The following TBC1D5 variants were observed in gnomAD, a reference collection of about 807,000 sequenced individuals.
TBC1D5 encodes TBC1 domain family member 5, also known as TBC1 domain family, member 5.
Under a neutral mutation model 100.3 loss-of-function variants are expected in TBC1D5, and 75 were observed. The ratio of observed to expected loss-of-function variants is 0.75; its 90% CI spans 0.62 to 0.91. The LOEUF is 0.91. Among genes scored for constraint, TBC1D5 ranks in the 40% least tolerant of loss-of-function variants. TBC1D5 has a pLI of 0.00. For missense variants in TBC1D5, 910 were observed against 942.4 expected, an observed-to-expected ratio of 0.97 and a Z score of 0.45; for synonymous variants, 323 against 325.6, an observed-to-expected ratio of 0.99 and a Z score of 0.09.
chr3:17,538,061 G>A (rs1334260563), intron 2 of TBC1D5, among the ~76,000 whole-genome samples: 1 of 152,108 alleles, frequency 6.6e-6, no homozygotes, highest in Non-Finnish European at 1.5e-5. Context: ...ACTCAAAGTG[G>A]AGGCTTCCAG....
At chr3:17,614,003 G>A (rs2061906144) in intron 2 of TBC1D5, among the ~76,000 whole-genome samples, 1 of 152,278 alleles carries the variant, frequency 6.6e-6, no homozygotes, top group Non-Finnish European at 1.5e-5. Context: ...TTTTTCTAGA[G>A]TTTTTATGGT....
At chr3:17,331,350 A>G (rs1269268384) in intron 13 of TBC1D5, among the ~76,000 whole-genome samples, 1 of 152,142 alleles carries the variant, frequency 6.6e-6, no homozygotes, top group East Asian at 1.9e-4. Flanking sequence ...CTTACATTCA[A>G]TAACATTTGT....
At chr3:17,281,931 A>G (rs960039587) in intron 15 of TBC1D5, among the ~76,000 whole-genome samples, 3 of 152,156 alleles carry the variant, frequency 2.0e-5, no homozygotes, top group African/African-American at 7.2e-5. Flanking sequence ...TCTTTTTTTC[A>G]TAACTTATGA....
At chr3:17,622,002 G>C (rs187132784) in intron 2 of TBC1D5, among the ~76,000 whole-genome samples, 1 of 152,242 alleles carries the variant, frequency 6.6e-6, no homozygotes, top group Admixed American at 6.5e-5. Context: ...AAATCTGATT[G>C]GGATAAGTTC....
chr3:17,200,130 A>G (rs965643774), intron 18 of TBC1D5, among the ~76,000 whole-genome samples: 7 of 152,324 alleles, frequency 4.6e-5, no homozygotes, highest in South Asian at 4.1e-4. Flanking sequence ...AGGATTTAAC[A>G]TAAGGCCAAT....
chr3:17,539,515 C>T lies in TBC1D5; in HGVS notation c.-35-30910G>A, dbSNP rs375018650. On this transcript the variant is annotated intron_variant, in intron 2 of 21. Coordinates refer to ENST00000253692, the Ensembl canonical transcript of TBC1D5. ...ATACTACAATTTCTTCCAGGGCCTG[C>T]TATCTGTCATGTGATGCTTTCTTTA... 3.3e-5 allele frequency among the ~76,000 whole-genome samples: 5 copies of T among 151,614 alleles called. No homozygotes were observed. The East Asian group carries it at 9.6e-4, about 29-fold the overall frequency.
At chr3:17,218,445 T>A (rs911085862) in intron 17 of TBC1D5, among the ~76,000 whole-genome samples, 13 of 152,026 alleles carry the variant, frequency 8.6e-5, no homozygotes, top group Non-Finnish European at 1.5e-5. Context: ...ACAAGATTTA[T>A]GAAAAATAAA....
At chr3:17,203,562 G>A (rs1225952691) in intron 18 of TBC1D5, among the ~76,000 whole-genome samples, 1 of 152,174 alleles carries the variant, frequency 6.6e-6, no homozygotes, top group African/African-American at 2.4e-5. Context: ...ATCTCATCTT[G>A]AATTGTAATC....
intron 19 of TBC1D5, among the ~76,000 whole-genome samples, chr3:17,169,846 CG>C (rs2066993527): frequency 6.6e-6 from 1 of 152,176 alleles, no homozygotes; most frequent in Admixed American, 6.5e-5. Context: ...TTTCCACAAA[CG>C]GTGGGGGAAA....
intron 17 of TBC1D5, among the ~76,000 whole-genome samples, chr3:17,216,433 C>A (rs566135890): frequency 4.6e-5 from 7 of 152,210 alleles, no homozygotes; most frequent in African/African-American, 7.2e-5. Flanking sequence ...TCTGATTCCT[C>A]CTCTTTTCCT....
chr3:17,740,290 TGCACCACTGCACTCCA>T (rs1459736668), exon 1 of TBC1D5: 1 of 150,616 alleles, frequency 6.6e-6, no homozygotes, highest in African/African-American at 2.5e-5. Flanking sequence ...ATCGAGCCAC[TGCACCACTGCACTCCA>T]GCCTGGGCGA....
At chr3:17,191,008 T>C (rs1480073720) in intron 18 of TBC1D5, among the ~76,000 whole-genome samples, 2 of 152,134 alleles carry the variant, frequency 1.3e-5, no homozygotes, top group Non-Finnish European at 2.9e-5. Context: ...GCAAAACACA[T>C]ACACGGTGTG....
At chr3:17,388,480 T>C (rs2093240661) in intron 8 of TBC1D5, among the ~76,000 whole-genome samples, 2 of 152,056 alleles carry the variant, frequency 1.3e-5, no homozygotes, top group South Asian at 4.2e-4. Flanking sequence ...TTGCATTATT[T>C]TGAAGCTAAT....
chr3:17,259,595 G>C (rs1463218), intron 15 of TBC1D5, among the ~76,000 whole-genome samples: 59,969 of 151,520 alleles, frequency 0.4, 12,590 homozygotes, highest in Middle Eastern at 0.5. Flanking sequence ...CTTCCTTTGA[G>C]ATACATATCT....
At chr3:17,718,063 A>G (rs2075382044) in intron 1 of TBC1D5, among the ~76,000 whole-genome samples, 1 of 152,148 alleles carries the variant, frequency 6.6e-6, no homozygotes, top group Non-Finnish European at 1.5e-5. Context: ...GGAAGGGGAA[A>G]AGCGAAGGTG....
chr3:17,625,305 T>TGTAA (rs1271464962), intron 1 of TBC1D5, among the ~76,000 whole-genome samples: 1 of 152,082 alleles, frequency 6.6e-6, no homozygotes, highest in Non-Finnish European at 1.5e-5. Context: ...AAAATATACA[T>TGTAA]GTAAGTATGT....
chr3:17,432,882 T>TC (rs1398776855), intron 3 of TBC1D5, among the ~76,000 whole-genome samples: 1 of 152,192 alleles, frequency 6.6e-6, no homozygotes. Context: ...GTACATGTCC[T>TC]CCCACAGAAA....
chr3:17,720,051 C>T (rs776540486), intron 1 of TBC1D5, among the ~76,000 whole-genome samples: 9 of 152,102 alleles, frequency 5.9e-5, no homozygotes, highest in Non-Finnish European at 1.3e-4. Flanking sequence ...TTTTGCATCA[C>T]GAGTGTCTAA....
chr3:17,519,050 C>T (rs1386024538), intron 2 of TBC1D5: 1 of 152,262 alleles, frequency 6.6e-6, no homozygotes, highest in East Asian at 1.9e-4. Context: ...TGTCATGAGT[C>T]CCATGAAGAA....
Sources: gnomAD v4.1 joint callset for allele counts (sites outside exome capture counted in the v4.1 genomes callset) on GRCh38, gnomAD v4.1.1 for gene constraint, MANE v1.5 for transcripts, NCBI Gene and HGNC (gene_info 2026-07-23, HGNC 2026-07-21) for gene names.